TRPM6: variants seen among roughly 807,000 people sequenced by gnomAD.
The protein encoded by TRPM6 is transient receptor potential cation channel subfamily M member 6, also known as channel kinase 2.
TRPM6 carries 111 observed loss-of-function variants against 247.6 expected under a neutral mutation model. The ratio of observed to expected loss-of-function variants is 0.45; its 90% CI spans 0.38 to 0.52. The LOEUF (loss-of-function observed/expected upper bound fraction) is 0.52. Ranked by LOEUF, TRPM6 falls within the 20% of genes least tolerant of loss-of-function variation. The pLI is 0.00. For synonymous variants in TRPM6, 892 were observed against 853.8 expected (o/e 1.04, Z -0.78); for missense variants, 2,126 against 2,421.5 (o/e 0.88, Z 2.56).
chr9:74,855,676 C>T, intron 2 of TRPM6, 111 bp from the exon 3 acceptor site: 1 of 794,982 alleles, frequency 1.3e-6, no homozygotes. Context: ...TCAAGGTTTG[C>T]TGAAATTCAT....
chr9:74,788,324 T>C (rs1232979256), intron 20 of TRPM6, among the ~76,000 whole-genome samples: 3 of 152,206 alleles, frequency 2.0e-5, no homozygotes, highest in Non-Finnish European at 4.4e-5. Flanking sequence ...TACAATTCTA[T>C]GGCATCATCT....
chr9:74,800,575 A>T, intron 16 of TRPM6, 93 bp from the exon 17 acceptor site: 1 of 885,996 alleles, frequency 1.1e-6, no homozygotes, highest in Non-Finnish European at 1.8e-6. Context: ...ATTGTAAAAG[A>T]TTGGATGTGA....
intron 23 of TRPM6, 23 bp from the exon 24 acceptor site, chr9:74,776,099 G>A: frequency 1.3e-6 from 2 of 1,590,860 alleles, no homozygotes; most frequent in Non-Finnish European, 1.7e-6. Context: ...GTAAGAGAGG[G>A]ACAATGTTTT....
At chr9:74,861,231 C>A (rs1339944378) in intron 1 of TRPM6, among the ~76,000 whole-genome samples, 3 of 152,182 alleles carry the variant, frequency 2.0e-5, no homozygotes, top group Non-Finnish European at 4.4e-5. Context: ...ATACCTGAAT[C>A]TATGAATTCA....
chr9:74,824,511 GAAAAAAAAAAAAAAAAAAAAAA>G (rs59044061), intron 7 of TRPM6, among the ~76,000 whole-genome samples: 5 of 46,996 alleles, frequency 1.1e-4, no homozygotes, highest in African/African-American at 1.3e-4. Context: ...GGCTTTTTCT[GAAAAAAAAAAAAAAAAAAAAAA>G]AAAAAAAAAA....
chr9:74,874,359 C>T (rs73536149), intron 1 of TRPM6, among the ~76,000 whole-genome samples: 3,237 of 152,218 alleles, frequency 0.021, 134 homozygotes, highest in African/African-American at 0.075. Flanking sequence ...ACACTATCAT[C>T]TGCTAGGCTG....
At chr9:74,788,432 G>A (rs1827773056) in intron 20 of TRPM6, among the ~76,000 whole-genome samples, 182 bp downstream of exon 20, 1 of 152,074 alleles carries the variant, frequency 6.6e-6, no homozygotes, top group Non-Finnish European at 1.5e-5. Context: ...AGGATAAAGG[G>A]CTGGAATCAA....
chr9:74,750,989 T>A (rs1191507004), intron 29 of TRPM6, among the ~76,000 whole-genome samples: 6 of 152,152 alleles, frequency 3.9e-5, no homozygotes, highest in Non-Finnish European at 4.4e-5. Flanking sequence ...ATATATGAAA[T>A]TTTTTACAGA....
At chr9:74,878,184 A>G (rs967279857) in intron 1 of TRPM6, among the ~76,000 whole-genome samples, 2 of 152,168 alleles carry the variant, frequency 1.3e-5, no homozygotes, top group African/African-American at 4.8e-5. Context: ...CTTGGGAACC[A>G]GAGGATTGTC....
chr9:74,884,459 A>C (rs1050608505), intron 1 of TRPM6, among the ~76,000 whole-genome samples: 2 of 152,254 alleles, frequency 1.3e-5, no homozygotes, highest in Middle Eastern at 3.4e-3. Context: ...ACTGCACTCC[A>C]GCCTGGGAGA....
intron 12 of TRPM6, among the ~76,000 whole-genome samples, chr9:74,811,598 A>G (rs922010009): frequency 6.6e-6 from 1 of 152,242 alleles, no homozygotes. Context: ...ATAACTCAAT[A>G]AAAGGTAATT....
chr9:74,821,246 T>C (rs533855848), intron 8 of TRPM6, among the ~76,000 whole-genome samples: 1 of 152,304 alleles, frequency 6.6e-6, no homozygotes, highest in South Asian at 2.1e-4. Context: ...GCACGACATA[T>C]GCTATGAAAA....
At chr9:74,867,788 G>A (rs778838621) in intron 1 of TRPM6, among the ~76,000 whole-genome samples, 10 of 151,958 alleles carry the variant, frequency 6.6e-5, no homozygotes, top group Non-Finnish European at 8.8e-5. Flanking sequence ...TTGAAACCTC[G>A]AAAGGAAGAA....
intron 28 of TRPM6, among the ~76,000 whole-genome samples, chr9:74,753,110 C>CAAAAAAAAAAAAAAAAA (rs35980332): frequency 9.6e-6 from 1 of 104,210 alleles, no homozygotes; most frequent in African/African-American, 3.4e-5. Flanking sequence ...GAGACTGTCT[C>CAAAAAAAAAAAAAAAAA]AAAAAAAAAA....
intron 3 of TRPM6, among the ~76,000 whole-genome samples, chr9:74,850,296 C>A (rs1213563352): frequency 1.3e-5 from 2 of 151,790 alleles, no homozygotes; most frequent in Non-Finnish European, 2.9e-5. Context: ...CGCTTGAACC[C>A]GGGAAGTGGA....
intron 28 of TRPM6, among the ~76,000 whole-genome samples, 159 bp from the exon 29 acceptor site, chr9:74,752,527 C>T (rs1826284316): frequency 1.3e-5 from 2 of 152,004 alleles, no homozygotes; most frequent in Non-Finnish European, 2.9e-5. Flanking sequence ...TTCCTTTATC[C>T]TTTTTTTCTC....
intron 25 of TRPM6, among the ~76,000 whole-genome samples, 158 bp from the exon 26 acceptor site, chr9:74,763,292 C>A (rs1826715558): frequency 6.6e-6 from 1 of 152,168 alleles, no homozygotes; most frequent in African/African-American, 2.4e-5. Flanking sequence ...ATACATAACT[C>A]TCAACTCAGG....
At chr9:74,828,150 G>C (rs926347952) in intron 6 of TRPM6, among the ~76,000 whole-genome samples, 1 of 151,888 alleles carries the variant, frequency 6.6e-6, no homozygotes, top group Non-Finnish European at 1.5e-5. Flanking sequence ...TCAGGAGATA[G>C]AGACCAGCCT....
rs1453178400 is a variant in TRPM6, at chr9:74,788,695, C to T, written c.2586G>A (p.Val862=). The T allele has an allele frequency of 3.7e-6, 6 of 1,613,958 alleles. No homozygotes were observed. Among genetic ancestry groups the T allele is most frequent in the African/African-American group, 1.3e-5 (1 of 74,912 alleles). The change falls in exon 20 of 39, where the codon GTG becomes GTA. Residue 862 remains valine (V), a synonymous_variant. Coordinates refer to ENST00000360774, the MANE Select transcript of TRPM6 (RefSeq NM_017662.5). ...FLMLFTYTVL[V]EMQPQPSVQE... ...GCACGCTGGGCTGGGGCTGCATCTCCACCAACACGGTGTAAGTGAACAGCA... is the reference window on the plus strand; with the variant it reads ...GCACGCTGGGCTGGGGCTGCATCTCTACCAACACGGTGTAAGTGAACAGCA...
Sources: gnomAD v4.1 joint callset for allele counts (sites outside exome capture counted in the v4.1 genomes callset) on GRCh38, gnomAD v4.1.1 for gene constraint, MANE v1.5 for transcripts, NCBI Gene and HGNC (gene_info 2026-07-23, HGNC 2026-07-21) for gene names.